The following DIDO1 variants were observed in gnomAD, a reference collection of about 807,000 sequenced individuals.
The protein encoded by DIDO1 is death-inducer obliterator 1.
DIDO1 carries 16 observed loss-of-function variants against 99.4 expected under a neutral mutation model. The ratio of observed to expected loss-of-function variants is 0.16; its 90% confidence interval spans 0.11 to 0.24. The LOEUF (loss-of-function observed/expected upper bound fraction) is 0.24, where lower values mean the gene tolerates loss of function less well. Ranked by LOEUF, DIDO1 falls within the 10% of genes least tolerant of loss-of-function variation. The pLI is 1.00. For missense variants in DIDO1, 2,996 were observed against 3,014.0 expected (o/e 0.99, Z 0.14); for synonymous variants, 1,366 against 1,239.1 (o/e 1.10, Z -2.15).
Position 62,882,349 on chromosome 20 carries a change from C to A in DIDO1, c.3607G>T (p.Ala1203Ser), listed in dbSNP as rs777989220. The change falls in exon 16 of 16, where the codon GCA becomes TCA. Residue 1203 changes from alanine to serine, a missense_variant. Ala to Ser is a moderately conservative substitution (Grantham distance 99). Coordinates refer to ENST00000395343, the MANE Select transcript of DIDO1 (RefSeq NM_001193369.2). ...LVICQKIKRP[A>S]NSGELDKMDE... ...ATCTTGTCTAACTCTCCACTGTTTG[C>A]GGGACGTTTGATTTTTTGGCAGATT... 3.7e-6 allele frequency: 6 copies of A among 1,613,830 alleles called. No homozygotes were observed. In the African/African-American group the frequency reaches 5.3e-5, roughly 14 times the overall value.
At chr20:62,886,851 G>T (rs1035754278) in intron 15 of DIDO1, among the ~76,000 whole-genome samples, 3 of 152,236 alleles carry the variant, frequency 2.0e-5, no homozygotes, top group Non-Finnish European at 2.9e-5. Context: ...GACTTGGATA[G>T]AAAGACTTGG....
rs919151022 is a variant in DIDO1, at chr20:62,890,610, G to A, written c.3541+350C>T. ...GTGTGCTGGCTCCCGAGTCTGTCTA[G>A]AGGAAAGAGCAGGGCCGCTGGGAGT... is the stretch of plus-strand genomic sequence containing the variant. On this transcript the variant is annotated intron_variant, in intron 15 of 15. Transcript: ENST00000395343. The A allele has an allele frequency of 3.5e-6, 4 of 1,144,902 alleles. 1 individual carries two copies. Among genetic ancestry groups the A allele is most frequent in the Non-Finnish European group, 1.1e-6 (1 of 925,554 alleles). The allele number at this position is 1,144,902 out of a possible 1,614,324, so 70.9% of individuals were successfully genotyped here.
chr20:62,880,071 A>T lies in DIDO1; in HGVS notation c.5885T>A (p.Ile1962Asn). Residue 1962 changes from isoleucine (I) to asparagine (N), a missense_variant, in exon 16 of 16, where the codon ATT (isoleucine) becomes AAT (asparagine). Coordinates refer to ENST00000395343, the MANE Select transcript of DIDO1 (RefSeq NM_001193369.2). ...APNFMPGPRG[I>N]QPQQFEDQRV... ...CTGGTCTTCGAACTGCTGAGGCTGAATGCCCCTGGGACCTGGCATAAAGTT... is the reference window on the plus strand; with the variant it reads ...CTGGTCTTCGAACTGCTGAGGCTGATTGCCCCTGGGACCTGGCATAAAGTT... The T allele has an allele frequency of 3.7e-6, 6 of 1,611,924 alleles. No homozygotes were observed. Among genetic ancestry groups the T allele is most frequent in the Non-Finnish European group, 5.1e-6 (6 of 1,180,008 alleles).
In DIDO1 at chr20:62,892,958, A is replaced by T; in HGVS notation, c.3106T>A (p.Ser1036Thr). The change falls in exon 13 of 16, where the codon TCA becomes ACA. Residue 1036 changes from serine to threonine, a missense_variant. Physicochemically the swap from Ser to Thr is moderately conservative, Grantham distance 58 (BLOSUM62 1). Around this residue, in one of 5 missense-constraint regions of DIDO1, gnomAD observed 898 missense variants for 972.7 expected, o/e 0.92. Transcript: ENST00000395343. ...SVPPSPNISTSESRSPPEGDT... is the reference protein window; with the variant it reads ...SVPPSPNISTTESRSPPEGDT... ...CCCTCTGGAGGGGAACGTGATTCTG[A>T]AGTGCTGTAAAACAAAACCATAAAA... 1 of 1,610,916 alleles carries T rather than the reference A, an allele frequency of 6.2e-7. No individual in the cohort carries two copies. The highest frequency in any genetic ancestry group is 8.5e-7 in the Non-Finnish European group (1 of 1,177,946).
intron 6 of DIDO1, among the ~76,000 whole-genome samples, chr20:62,897,510 TTAA>T (rs2064563651): frequency 6.6e-6 from 1 of 152,172 alleles, no homozygotes; most frequent in Non-Finnish European, 1.5e-5. Context: ...GGCGATGCCA[TTAA>T]TAAAAATATG....
Position 62,893,887 on chromosome 20 carries a change from G to A in DIDO1, c.2880C>T (p.Thr960=), listed in dbSNP as rs11699796. The part of the protein sequence containing the change: ...PASCGSGVVT[T]VTVSGRDPRT... Reference sequence around the variant, plus strand: ...TGGGGTCCCGGCCGGACACTGTGACGGTGGTGACCACCCCGCTCCCACAGG... The same window carrying A: ...TGGGGTCCCGGCCGGACACTGTGACAGTGGTGACCACCCCGCTCCCACAGG... The change falls in exon 12 of 16, where the codon ACC becomes ACT. Residue 960 remains threonine (T), a synonymous_variant. Coordinates refer to ENST00000395343, the MANE Select transcript of DIDO1 (RefSeq NM_001193369.2). The A allele has an allele frequency of 6.1e-5, 99 of 1,611,078 alleles. No individual in the cohort carries two copies. Among genetic ancestry groups the A allele is most frequent in the African/African-American group, 1.1e-4 (8 of 74,872 alleles).
intron 1 of DIDO1, among the ~76,000 whole-genome samples, chr20:62,924,210 T>C (rs2065210847): frequency 6.6e-6 from 1 of 152,224 alleles, no homozygotes; most frequent in Admixed American, 6.5e-5. Context: ...GACCCCGTCA[T>C]TTAAATAAGA....
intron 6 of DIDO1, among the ~76,000 whole-genome samples, chr20:62,897,385 G>A (rs910296838): frequency 2.6e-5 from 4 of 152,230 alleles, no homozygotes; most frequent in African/African-American, 9.6e-5. Context: ...AGTGCAAACT[G>A]TTTGTAAACT....
Position 62,911,558 on chromosome 20 carries a change from T to A in DIDO1, c.55A>T (p.Thr19Ser), listed in dbSNP as rs1406613661. ...CATGTTTTCCTGAACTCTTTGCTGGTGGGTTTGATGGCCTTAGGTGCCTCC... is the reference window on the plus strand; with the variant it reads ...CATGTTTTCCTGAACTCTTTGCTGGAGGGTTTGATGGCCTTAGGTGCCTCC... ...NEEAPKAIKP[T>S]SKEFRKTWGF... Residue 19 changes from threonine (T) to serine (S), a missense_variant, in exon 3 of 16, where the codon ACC becomes TCC. By Grantham distance (58) the Thr-to-Ser change is moderately conservative. Transcript: ENST00000395343. This position sits in a 1 kb window ranked among gnomAD's most constrained non-coding sequence, Gnocchi z 7.0. 6.2e-7 allele frequency: 1 copy of A among 1,610,092 alleles called. No individual in the cohort carries two copies. Among genetic ancestry groups the A allele is most frequent in the African/African-American group, 1.3e-5 (1 of 74,898 alleles).
At chr20:62,889,192 C>T (rs116875793) in intron 15 of DIDO1, 14,064 of 985,562 alleles carry the variant, frequency 0.014, 115 homozygotes, top group Middle Eastern at 0.024. Flanking sequence ...CGGTGCCATC[C>T]GGGAGGTGCT....
rs1601000684 is a variant in DIDO1 at position 62,911,264 on chromosome 20, T to C, written c.349A>G (p.Ser117Gly). ...GGGCCGCTTCTGGTCTCAGAAGCGCTTTCCACGCTGCCCTCGGAGGCTGTC... is the reference window on the plus strand; with the variant it reads ...GGGCCGCTTCTGGTCTCAGAAGCGCCTTCCACGCTGCCCTCGGAGGCTGTC... ...AETASEGSVE[S>G]ASETRSGPQS... The change falls in exon 3 of 16, where the codon AGC becomes GGC. Residue 117 changes from serine to glycine, a missense_variant. This residue lies in a region of DIDO1 where 388 missense variants were observed against 376.6 expected (regional missense o/e 1.03). Transcript: ENST00000395343. This position sits in a 1 kb window ranked among gnomAD's most constrained non-coding sequence, Gnocchi z 7.0. 1 of 1,613,062 alleles carries C rather than the reference T, an allele frequency of 6.2e-7. No homozygotes were observed. Among genetic ancestry groups the C allele is most frequent in the East Asian group, 2.2e-5 (1 of 44,882 alleles).
chr20:62,920,389 C>T (rs1272181263), intron 1 of DIDO1, among the ~76,000 whole-genome samples: 1 of 152,194 alleles, frequency 6.6e-6, no homozygotes, highest in African/African-American at 2.4e-5. Context: ...CCCCGATTTT[C>T]ACTGCTGCAA....
chr20:62,893,579 G>C (rs1394916539), intron 12 of DIDO1, 87 bp downstream of exon 12: 2 of 1,430,084 alleles, frequency 1.4e-6, no homozygotes, highest in African/African-American at 2.9e-5. Flanking sequence ...ACATTTCCAA[G>C]TTCAACTATT....
chr20:62,908,967 T>C (rs6010784), intron 4 of DIDO1, among the ~76,000 whole-genome samples: 93,301 of 152,286 alleles, frequency 0.61, 30,481 homozygotes, highest in African/African-American at 0.84. Context: ...TGGCCTCTGA[T>C]AGCAGCGCAG....
chr20:62,929,685 A>C (rs1315701416), upstream of DIDO1, among the ~76,000 whole-genome samples: 1 of 136,138 alleles, frequency 7.3e-6, no homozygotes, highest in Non-Finnish European at 1.6e-5. Context: ...TCCCAGAAAA[A>C]AGAAAAAGTG....
At chr20:62,887,527 T>C (rs2064314546) in intron 15 of DIDO1, 53 of 985,462 alleles carry the variant, frequency 5.4e-5, no homozygotes, top group Non-Finnish European at 6.3e-5. Context: ...TCCTGCCCTG[T>C]ACTTGGGGAG....
chr20:62,881,195 C>T lies in DIDO1; in HGVS notation c.4761G>A (p.Gln1587=). 1 of 1,607,264 alleles carries T rather than the reference C, an allele frequency of 6.2e-7. No individual in the cohort carries two copies. The highest frequency in any genetic ancestry group is 8.5e-7 in the Non-Finnish European group (1 of 1,179,020). The change falls in exon 16 of 16, where the codon CAG becomes CAA. Residue 1587 remains glutamine, a synonymous_variant. Coordinates refer to ENST00000395343, the MANE Select transcript of DIDO1 (RefSeq NM_001193369.2). The surrounding 1 kb of genome is among the most constrained non-coding windows in gnomAD (Gnocchi z 8.3). ...AAGCATCTCTCTCGGGCAGGGCACC[C>T]TGGGCACCACGTGCCGAGAGCCTGG... The part of the protein sequence containing the change: ...PLSRLSARGA[Q]GALPERDASR...
At chr20:62,888,501 G>T in intron 15 of DIDO1, 1 of 985,550 alleles carries the variant, frequency 1.0e-6, no homozygotes, top group Admixed American at 6.1e-5. Flanking sequence ...GTGACTCCAA[G>T]CTGCGCAGCA....
At chr20:62,933,225 A>G (rs1372685559) in intron 1 of DIDO1, among the ~76,000 whole-genome samples, 1 of 152,160 alleles carries the variant, frequency 6.6e-6, no homozygotes, top group Non-Finnish European at 1.5e-5. Flanking sequence ...CAAAAAAACA[A>G]CAACAAAAGA....
Sources: allele counts gnomAD v4.1 joint callset (sites outside exome capture counted in the v4.1 genomes callset), GRCh38; gene constraint gnomAD v4.1.1; regional missense constraint gnomAD v4.1.1; non-coding constraint Gnocchi (gnomAD v3.1); transcripts MANE v1.5; gene names NCBI Gene and HGNC (gene_info 2026-07-23, HGNC 2026-07-21).